Variants in GLG1 observed in about 807,000 individuals in gnomAD.
GLG1 encodes the protein golgi glycoprotein 1.
GLG1 carries 38 observed loss-of-function variants against 160.5 expected under a neutral mutation model. That is an observed-to-expected ratio of 0.24 (90% CI 0.18 to 0.31). GLG1 has a LOEUF of 0.31. Among genes scored for constraint, GLG1 ranks in the 10% least tolerant of loss-of-function variants. GLG1 has a pLI of 1.00. For missense variants in GLG1, 1,373 were observed against 1,505.2 expected (o/e 0.91, Z 1.45); for synonymous variants, 644 against 543.4 (o/e 1.19, Z -2.57).
At chr16:74,489,841 G>C (rs9938426) in intron 8 of GLG1, among the ~76,000 whole-genome samples, 22,077 of 152,184 alleles carry the variant, frequency 0.15, 1,793 homozygotes, top group Middle Eastern at 0.2. Context: ...AGTAACTAAA[G>C]CTAAGACATA....
intron 2 of GLG1, among the ~76,000 whole-genome samples, chr16:74,514,085 G>C (rs1253053128): frequency 6.6e-6 from 1 of 152,004 alleles, no homozygotes; most frequent in East Asian, 1.9e-4. Context: ...GACAAGATTA[G>C]ATAAAAAAAG....
intron 3 of GLG1, among the ~76,000 whole-genome samples, chr16:74,505,833 CAACA>C (rs1427430184): frequency 1.3e-4 from 19 of 151,922 alleles, no homozygotes; most frequent in African/African-American, 3.9e-4. Flanking sequence ...CCACCCTGGG[CAACA>C]GAGCGAGACT....
chr16:74,536,966 G>T (rs1014813987), intron 1 of GLG1, among the ~76,000 whole-genome samples: 1 of 152,158 alleles, frequency 6.6e-6, no homozygotes, highest in Non-Finnish European at 1.5e-5. Context: ...GGAGATAGAA[G>T]TCTGGGCTTC....
chr16:74,599,323 A>G (rs1958382856), intron 1 of GLG1, among the ~76,000 whole-genome samples: 1 of 152,182 alleles, frequency 6.6e-6, no homozygotes, highest in Non-Finnish European at 1.5e-5. Context: ...ATAATTCCCC[A>G]AAGCATCTCC....
rs566553488 is a variant in GLG1 at position 74,479,806 on chromosome 16, G to C, written c.1827+435C>G. On this transcript the variant is annotated intron_variant, in intron 11 of 25. Transcript: ENST00000422840. ...CAGTTGGGGCAGACAAATACCAAGA[G>C]ACTGAGGTATGGAGGTTTCTGCTCC... Among the ~76,000 whole-genome samples, 222 of 152,312 alleles carry C rather than the reference G, an allele frequency of 1.5e-3. 1 individual carries two copies. The South Asian group carries it at 0.016, about 11-fold the overall frequency.
chr16:74,521,110 C>G (rs944518058), intron 2 of GLG1, among the ~76,000 whole-genome samples: 1 of 152,056 alleles, frequency 6.6e-6, no homozygotes, highest in Non-Finnish European at 1.5e-5. Flanking sequence ...GAAAGAATAG[C>G]GAATGCAAAA....
chr16:74,541,812 T>C (rs908530656), intron 1 of GLG1, among the ~76,000 whole-genome samples: 1 of 152,034 alleles, frequency 6.6e-6, no homozygotes, highest in Non-Finnish European at 1.5e-5. Flanking sequence ...TCTGAAAGGA[T>C]ACCTAAAAAG....
rs187591070 is a variant in GLG1, at chr16:74,581,778, G to A, written c.438+24879C>T. Among the ~76,000 whole-genome samples, 267 of 152,236 alleles carry A rather than the reference G, an allele frequency of 1.8e-3. 1 individual carries two copies. Among genetic ancestry groups the A allele is most frequent in the African/African-American group, 6.3e-3 (262 of 41,556 alleles). On this transcript the variant is annotated intron_variant, in intron 1 of 25. Coordinates refer to ENST00000422840, the MANE Select transcript of GLG1 (RefSeq NM_001145667.2). ...ATACAAAAAATTAGCTGGGCTTGGTGGCGGGCGCCTGTAATCCCAGCTACT... is the reference window on the plus strand; with the variant it reads ...ATACAAAAAATTAGCTGGGCTTGGTAGCGGGCGCCTGTAATCCCAGCTACT...
At chr16:74,590,387 G>T (rs1597377467) in intron 1 of GLG1, among the ~76,000 whole-genome samples, 1 of 152,028 alleles carries the variant, frequency 6.6e-6, no homozygotes, top group African/African-American at 2.4e-5. Flanking sequence ...GGAGGCCGAA[G>T]CAGGCGGATC....
intron 1 of GLG1, among the ~76,000 whole-genome samples, chr16:74,556,487 T>C (rs1340829511): frequency 6.6e-6 from 1 of 152,032 alleles, no homozygotes; most frequent in African/African-American, 2.4e-5. Flanking sequence ...AATAATCTAA[T>C]ACACTCTGGG....
At chr16:74,606,539 G>A (rs1958570656) in intron 1 of GLG1, 118 bp downstream of exon 1, 7 of 787,932 alleles carry the variant, frequency 8.9e-6, no homozygotes, top group Non-Finnish European at 1.0e-5. Flanking sequence ...GGGAAGGAGC[G>A]AGTGCAGCAC....
intron 22 of GLG1, 87 bp downstream of exon 22, chr16:74,462,007 T>C: frequency 1.4e-6 from 1 of 716,578 alleles, no homozygotes; most frequent in South Asian, 1.6e-5. Context: ...CATTCACGGC[T>C]GAAGGGAGAG....
chr16:74,521,195 A>T (rs576452474), intron 2 of GLG1, among the ~76,000 whole-genome samples: 2 of 152,304 alleles, frequency 1.3e-5, no homozygotes, highest in South Asian at 4.1e-4. Flanking sequence ...AGAGGTGGCA[A>T]GGGGCAACGG....
intron 1 of GLG1, among the ~76,000 whole-genome samples, chr16:74,588,836 A>G (rs928568085): frequency 3.9e-5 from 6 of 152,334 alleles, no homozygotes; most frequent in South Asian, 2.1e-4. Context: ...AGAGCTACAA[A>G]TAAGATTAAA....
intron 1 of GLG1, among the ~76,000 whole-genome samples, chr16:74,541,195 A>G (rs1322688976): frequency 2.0e-5 from 3 of 151,978 alleles, no homozygotes; most frequent in South Asian, 2.1e-4. Flanking sequence ...GTGGTGGCGC[A>G]TGCCTGTAGT....
In GLG1 at chr16:74,508,862, C is replaced by G; in HGVS notation, c.535G>C (p.Val179Leu). Reference protein sequence around the residue: ...DPKFESVAREVCKSTITEIKE... With the variant: ...DPKFESVARELCKSTITEIKE... The stretch of plus-strand genomic sequence containing the variant: ...ACCTCTGTTATAGTAGATTTGCAAA[C>G]CTCTCTGGCCACAGATTCAAATTTG... The change falls in exon 3 of 26, where the codon GTT becomes CTT. Residue 179 changes from valine to leucine, a missense_variant. Val to Leu is a conservative substitution (Grantham distance 32). This residue lies in a region of GLG1 where 322 missense variants were observed against 254.6 expected (regional missense o/e 1.26). Transcript: ENST00000422840. 1.3e-6 allele frequency: 2 copies of G among 1,521,506 alleles called. No individual in the cohort carries two copies. Among genetic ancestry groups the G allele is most frequent in the South Asian group, 1.1e-5 (1 of 89,212 alleles). 94.3% of individuals were successfully genotyped at this position (1,521,506 alleles called of 1,614,324 possible). A position where few individuals can be genotyped will look rare whatever the true frequency, so the allele number is the denominator to read the frequency against.
At position 74,452,759 on chromosome 16, in the gene GLG1, C is replaced by G. The variant is rs2014369929; in HGVS notation, c.*408G>C. The G allele has an allele frequency of 3.3e-5, 33 of 992,514 alleles. No individual in the cohort carries two copies. Among genetic ancestry groups the G allele is most frequent in the Non-Finnish European group, 4.0e-5 (33 of 834,238 alleles). 61.5% of individuals were successfully genotyped at this position (992,514 alleles called of 1,614,324 possible). A position where few individuals can be genotyped will look rare whatever the true frequency, so the allele number is the denominator to read the frequency against. On this transcript the variant is annotated 3_prime_UTR_variant, in exon 26 of 26. Transcript: ENST00000422840. ...AAAGACATAACCCCATTGCCCAAAT[C>G]AAGCCTGGAGGAGATGCGTTACTAT...
At chr16:74,457,071 C>T (rs1350548602) in intron 24 of GLG1, among the ~76,000 whole-genome samples, 1 of 152,160 alleles carries the variant, frequency 6.6e-6, no homozygotes, top group African/African-American at 2.4e-5. Flanking sequence ...TTTGAGACTA[C>T]ATTATAGTAA....
chr16:74,512,721 GCT>G (rs1241385931), intron 2 of GLG1, among the ~76,000 whole-genome samples: 5 of 151,600 alleles, frequency 3.3e-5, no homozygotes, highest in Non-Finnish European at 5.9e-5. Context: ...AAGTCAAGAA[GCT>G]CAACCACAGG....
Sources: gnomAD v4.1 joint callset for allele counts (sites outside exome capture counted in the v4.1 genomes callset) on GRCh38, gnomAD v4.1.1 for gene constraint, gnomAD v4.1.1 regional missense constraint, MANE v1.5 for transcripts, NCBI Gene and HGNC (gene_info 2026-07-23, HGNC 2026-07-21) for gene names.